Variants in SIPA1L2 observed in about 807,000 individuals in gnomAD.
The protein encoded by SIPA1L2 is signal-induced proliferation-associated 1-like protein 2.
Under a neutral mutation model 163.9 loss-of-function variants are expected in SIPA1L2, and 56 were observed. The observed-to-expected ratio is 0.34, with a 90% CI of 0.28 to 0.43. The LOEUF (loss-of-function observed/expected upper bound fraction) is 0.43, where lower values mean the gene tolerates loss of function less well. Among genes scored for constraint, SIPA1L2 ranks in the 20% least tolerant of loss-of-function variants. SIPA1L2 has a pLI of 1.00. For missense variants in SIPA1L2, 1,974 were observed against 2,193.5 expected (o/e 0.90, Z 2.00); for synonymous variants, 877 against 865.7 (o/e 1.01, Z -0.23).
At chr1:232,433,766 T>C (rs751765435) in intron 15 of SIPA1L2, among the ~76,000 whole-genome samples, 1 of 152,198 alleles carries the variant, frequency 6.6e-6, no homozygotes, top group South Asian at 2.1e-4. Flanking sequence ...GTTTAAATTA[T>C]AGGTCTAATC....
intron 2 of SIPA1L2, among the ~76,000 whole-genome samples, chr1:232,516,506 G>A (rs887883622): frequency 6.6e-6 from 1 of 152,132 alleles, no homozygotes; most frequent in African/African-American, 2.4e-5. Context: ...TAGTGTGTCT[G>A]TTCTGTCCTG....
intron 7 of SIPA1L2, among the ~76,000 whole-genome samples, chr1:232,473,515 G>A (rs1210860730): frequency 6.6e-6 from 1 of 152,192 alleles, no homozygotes; most frequent in Admixed American, 6.5e-5. Context: ...TGTTGAGACT[G>A]CAACAGCAAA....
At chr1:232,441,686 A>G in intron 13 of SIPA1L2, 82 bp downstream of exon 13, 1 of 1,186,860 alleles carries the variant, frequency 8.4e-7, no homozygotes, top group Non-Finnish European at 1.2e-6. Flanking sequence ...GTGAATGAAT[A>G]AAATGAAGTG....
chr1:232,528,267 C>T (rs1667816591), intron 2 of SIPA1L2, among the ~76,000 whole-genome samples: 1 of 151,940 alleles, frequency 6.6e-6, no homozygotes, highest in African/African-American at 2.4e-5. Flanking sequence ...AAGAAAGAGA[C>T]ACTTCTCTCC....
chr1:232,432,375 T>C lies in SIPA1L2; in HGVS notation c.4128A>G (p.Gly1376=). Residue 1376 remains glycine, a synonymous_variant, in exon 16 of 23, where the codon GGA becomes GGG. Transcript: ENST00000674635. Reference sequence around the variant, plus strand: ...TGGACATGGACCCGGGAACCTGTTGTCCGCTGCTGTGAGACACGATGTAGA... The same window carrying C: ...TGGACATGGACCCGGGAACCTGTTGCCCGCTGCTGTGAGACACGATGTAGA... ...SKVYIVSHSS[G]QQVPGSMSKP... 1 of 1,614,232 alleles carries C rather than the reference T, an allele frequency of 6.2e-7. No individual in the cohort carries two copies. Among genetic ancestry groups the C allele is most frequent in the Non-Finnish European group, 8.5e-7 (1 of 1,180,046 alleles).
chr1:232,458,063 T>C (rs773099776), intron 10 of SIPA1L2, among the ~76,000 whole-genome samples: 11 of 152,202 alleles, frequency 7.2e-5, no homozygotes, highest in Admixed American at 2.0e-4. Flanking sequence ...TGCAGAAATG[T>C]GGGTGATGGG....
At chr1:232,617,510 A>C (rs1037817101) in intron 1 of SIPA1L2, among the ~76,000 whole-genome samples, 2 of 152,274 alleles carry the variant, frequency 1.3e-5, no homozygotes, top group African/African-American at 4.8e-5. Context: ...GTGTGGTCAT[A>C]TAAAGTATAC....
intron 1 of SIPA1L2, among the ~76,000 whole-genome samples, chr1:232,590,625 C>A (rs1482007623): frequency 6.6e-6 from 1 of 152,184 alleles, no homozygotes; most frequent in Admixed American, 6.5e-5. Flanking sequence ...TAGAGAAGCA[C>A]ATGGCATTGG....
At chr1:232,584,646 A>G (rs1931598) in intron 1 of SIPA1L2, among the ~76,000 whole-genome samples, 115,938 of 152,182 alleles carry the variant, frequency 0.76, 44,966 homozygotes, top group East Asian at 0.92. Flanking sequence ...CCTCTTGTCA[A>G]TGATTTTCAG....
chr1:232,407,419 A>C (rs182012637), intron 19 of SIPA1L2, among the ~76,000 whole-genome samples: 14 of 152,346 alleles, frequency 9.2e-5, no homozygotes, highest in Non-Finnish European at 1.6e-4. Context: ...CTGAAGCTTC[A>C]TAACAGAAAA....
intron 1 of SIPA1L2, among the ~76,000 whole-genome samples, chr1:232,613,880 A>C (rs1179925571): frequency 6.6e-6 from 1 of 152,212 alleles, no homozygotes; most frequent in Admixed American, 6.5e-5. Flanking sequence ...AAATGTAAGA[A>C]TCGCCCACAG....
chr1:232,445,730 C>T lies in SIPA1L2; in HGVS notation c.3152G>A (p.Gly1051Asp), dbSNP rs1221361808. Residue 1051 changes from glycine to aspartate, a missense_variant, in exon 11 of 23, where the codon GGC becomes GAC. Around this residue, in one of 3 missense-constraint regions of SIPA1L2, gnomAD observed 1,079 missense variants for 1,150.7 expected, o/e 0.94. Coordinates refer to ENST00000674635, the MANE Select transcript of SIPA1L2 (RefSeq NM_020808.5). ...GGGGGTTTTATACTCGCAGGGGGTG[C>T]CCTCGCTGTCGAGTTTATATTCCAC... is the stretch of plus-strand genomic sequence containing the variant. ...PMVEYKLDSE[G>D]TPCEYKTPFR... 2 of 1,613,636 alleles carry T rather than the reference C, an allele frequency of 1.2e-6. No homozygotes were observed. Among genetic ancestry groups the T allele is most frequent in the Non-Finnish European group, 8.5e-7 (1 of 1,179,908 alleles).
intron 1 of SIPA1L2, among the ~76,000 whole-genome samples, chr1:232,619,408 C>T (rs926533702): frequency 1.3e-5 from 2 of 152,198 alleles, no homozygotes; most frequent in South Asian, 2.1e-4. Flanking sequence ...TCAACTCTGC[C>T]CAAGTTAGTT....
chr1:232,628,972 C>T (rs1382534421), intron 1 of SIPA1L2, among the ~76,000 whole-genome samples: 2 of 152,042 alleles, frequency 1.3e-5, no homozygotes, highest in Non-Finnish European at 2.9e-5. Flanking sequence ...CTCAATCTAA[C>T]CAAAATCCAA....
At chr1:232,411,935 C>T (rs1660979638) in intron 19 of SIPA1L2, among the ~76,000 whole-genome samples, 1 of 152,138 alleles carries the variant, frequency 6.6e-6, no homozygotes, top group African/African-American at 2.4e-5. Context: ...GCCTTATGGT[C>T]AGCAATGTGG....
intron 10 of SIPA1L2, among the ~76,000 whole-genome samples, chr1:232,450,711 A>G (rs1257707507): frequency 1.3e-5 from 2 of 152,210 alleles, no homozygotes; most frequent in Non-Finnish European, 2.9e-5. Context: ...GGTTTTTAAG[A>G]GGAAAAAAGA....
chr1:232,476,990 T>C (rs1046677071), intron 7 of SIPA1L2, among the ~76,000 whole-genome samples: 1 of 152,188 alleles, frequency 6.6e-6, no homozygotes, highest in Non-Finnish European at 1.5e-5. Flanking sequence ...CAGACATTTC[T>C]ACCTTTGGTA....
intron 3 of SIPA1L2, among the ~76,000 whole-genome samples, chr1:232,508,241 C>G (rs576248923): frequency 6.6e-6 from 1 of 152,148 alleles, no homozygotes; most frequent in African/African-American, 2.4e-5. Flanking sequence ...CCAGCTTCAT[C>G]CTCCCATCTG....
Position 232,561,298 on chromosome 1 carries a change from A to G in SIPA1L2, c.-270+12876T>C, listed in dbSNP as rs557851649. Among the ~76,000 whole-genome samples the G allele has an allele frequency of 3.3e-5, 5 of 152,360 alleles. No individual in the cohort carries two copies. The South Asian group carries it at 1.0e-3, about 32-fold the overall frequency. ...GTTTCAGGTAAAGTTTCAGGAAGTC[A>G]GCTTTTGATTATTTTAAATGGGTTT... On this transcript the variant is annotated intron_variant, in intron 2 of 22. Transcript: ENST00000674635.
Sources: allele counts gnomAD v4.1 joint callset (sites outside exome capture counted in the v4.1 genomes callset), GRCh38; gene constraint gnomAD v4.1.1; regional missense constraint gnomAD v4.1.1; transcripts MANE v1.5; gene names NCBI Gene and HGNC (gene_info 2026-07-23, HGNC 2026-07-21).